CDON: variants seen among roughly 807,000 people sequenced by gnomAD.
The protein encoded by CDON is cell adhesion associated, oncogene regulated, also known as cell adhesion molecule-related/down-regulated by oncogenes.
CDON carries 73 observed loss-of-function variants against 120.9 expected under a neutral mutation model. The ratio of observed to expected loss-of-function variants is 0.60; its 90% CI spans 0.50 to 0.73. CDON has a LOEUF of 0.73. CDON is among the 30% of genes least tolerant of loss of function. The pLI, the probability that CDON is intolerant of heterozygous loss-of-function variation, is 0.00. For missense variants in CDON, 1,470 were observed against 1,587.3 expected (o/e 0.93, Z 1.26); for synonymous variants, 566 against 573.5 (o/e 0.99, Z 0.19).
At position 125,959,049 on chromosome 11, in the gene CDON, G is replaced by A. The variant is rs1016560752; in HGVS notation, c.*1893C>T. ...AATAAATCCAGTATACTATAGGCAC[G>A]GACATCTGGAATGTAGAACTTGGGT... On this transcript the variant is annotated 3_prime_UTR_variant, in exon 20 of 20. Transcript: ENST00000531738. 1.7e-4 allele frequency: 26 copies of A among 152,242 alleles called. No homozygotes were observed. Among genetic ancestry groups the A allele is most frequent in the African/African-American group, 5.8e-4 (24 of 41,544 alleles). 9.4% of individuals were successfully genotyped at this position (152,242 alleles called of 1,614,324 possible).
intron 9 of CDON, among the ~76,000 whole-genome samples, chr11:126,004,780 A>T (rs1947064123): frequency 6.6e-6 from 1 of 152,218 alleles, no homozygotes; most frequent in South Asian, 2.1e-4. Context: ...AAACATTACC[A>T]TTCAACAATG....
chr11:126,029,555 CATATAT>C (rs10588981), intron 1 of CDON, among the ~76,000 whole-genome samples: 1 of 150,634 alleles, frequency 6.6e-6, no homozygotes, highest in Non-Finnish European at 1.5e-5. Context: ...GTCCATGTAA[CATATAT>C]ATATATATAT....
rs746082689 is a variant in CDON, at chr11:125,961,110, AAC to A, written c.3632-7_3632-6del. 5.6e-6 allele frequency: 9 copies of A among 1,613,458 alleles called. No individual in the cohort carries two copies. The highest frequency in any genetic ancestry group is 7.6e-6 in the Non-Finnish European group (9 of 1,179,672). On this transcript the variant is annotated splice_polypyrimidine_tract_variant and splice_region_variant and intron_variant, in intron 19 of 19. Transcript: ENST00000531738. ...CTGAATGGGCACAGCTGTCTCCTGAAACACAGCAGGGTTTGGGAGCATTATCA... is the reference window on the plus strand; with the variant it reads ...CTGAATGGGCACAGCTGTCTCCTGAAACAGCAGGGTTTGGGAGCATTATCA...
chr11:126,058,512 T>C (rs1222133341), intron 1 of CDON, among the ~76,000 whole-genome samples: 1 of 152,208 alleles, frequency 6.6e-6, no homozygotes, highest in African/African-American at 2.4e-5. Context: ...CTGAACACAC[T>C]GTATTGTGAG....
intron 1 of CDON, among the ~76,000 whole-genome samples, chr11:126,055,760 T>C (rs1948667076): frequency 6.6e-6 from 1 of 152,198 alleles, no homozygotes; most frequent in Non-Finnish European, 1.5e-5. Context: ...AAAAAGGTAG[T>C]ACATGCTATA....
chr11:126,015,028 T>C lies in CDON; in HGVS notation c.1198+213A>G, dbSNP rs1012743226. The C allele has an allele frequency of 8.6e-6, 5 of 580,760 alleles. No homozygotes were observed. The Admixed American group carries it at 1.5e-4, about 18-fold the overall frequency. 36.0% of individuals were successfully genotyped at this position (580,760 alleles called of 1,614,324 possible). On this transcript the variant is annotated intron_variant, in intron 7 of 19. Coordinates refer to ENST00000531738, the MANE Select transcript of CDON (RefSeq NM_001378964.1). Reference sequence around the variant, plus strand: ...AAAGTAGGCAGAATCTGTTGAAAATTTTTTAAAAACTTTTTTTAATGAGCT... The same window carrying C: ...AAAGTAGGCAGAATCTGTTGAAAATCTTTTAAAAACTTTTTTTAATGAGCT...
chr11:126,020,974 G>T (rs928756345), intron 3 of CDON, among the ~76,000 whole-genome samples: 1 of 141,034 alleles, frequency 7.1e-6, no homozygotes, highest in African/African-American at 2.8e-5. Context: ...CCCTGGCAAA[G>T]CTGCAGAGAT....
At position 126,021,461 on chromosome 11, in the gene CDON, C is replaced by A. The variant is rs2134695051; in HGVS notation, c.136G>T (p.Val46Leu). 1.9e-6 allele frequency: 3 copies of A among 1,614,008 alleles called. No individual in the cohort carries two copies. Among genetic ancestry groups the A allele is most frequent in the Non-Finnish European group, 2.5e-6 (3 of 1,179,914 alleles). ...GGTTGAGCAGAACAATGCAGTACTA[C>A]AGGTCCACCAAGTTTCTGGACAGCA... ...LSAVQKLGGP[V>L]VLHCSAQPVT... Residue 46 changes from valine (V) to leucine (L), a missense_variant, in exon 3 of 20, where the codon GTA becomes TTA. Val to Leu is a conservative substitution (Grantham distance 32). Coordinates refer to ENST00000531738, the MANE Select transcript of CDON (RefSeq NM_001378964.1).
chr11:126,017,791 A>T (rs1001230066), intron 5 of CDON, among the ~76,000 whole-genome samples: 1 of 152,088 alleles, frequency 6.6e-6, no homozygotes, highest in Non-Finnish European at 1.5e-5. Context: ...TCTTGTTTGA[A>T]CAAAGGGCAA....
intron 1 of CDON, among the ~76,000 whole-genome samples, chr11:126,056,785 C>T (rs948636127): frequency 6.6e-6 from 1 of 152,192 alleles, no homozygotes; most frequent in African/African-American, 2.4e-5. Context: ...ACTCTTCTTC[C>T]TGATATAAGT....
chr11:126,055,425 G>A (rs1591438927), intron 1 of CDON, among the ~76,000 whole-genome samples: 1 of 152,124 alleles, frequency 6.6e-6, no homozygotes, highest in African/African-American at 2.4e-5. Flanking sequence ...TATTATTTTG[G>A]TGGTTCAGGA....
intron 1 of CDON, among the ~76,000 whole-genome samples, chr11:126,038,228 T>C (rs1239661764): frequency 2.0e-5 from 3 of 152,244 alleles, no homozygotes; most frequent in African/African-American, 7.2e-5. Flanking sequence ...TAGCCAACTT[T>C]ACTTTGTGAA....
intron 1 of CDON, among the ~76,000 whole-genome samples, chr11:126,046,431 AG>A (rs1948408392): frequency 6.6e-6 from 1 of 152,230 alleles, no homozygotes; most frequent in African/African-American, 2.4e-5. Flanking sequence ...CCTGTAGACC[AG>A]TGACAAAAAT....
In CDON at chr11:126,010,773, G is replaced by A. The variant is rs148923212; in HGVS notation, c.1199-79C>T. The A allele has an allele frequency of 8.9e-4, 1,007 of 1,133,450 alleles. 13 individuals are homozygous for A. Among genetic ancestry groups the A allele is most frequent in the Non-Finnish European group, 1.7e-4 (131 of 760,464 alleles). The allele number at this position is 1,133,450 out of a possible 1,614,324, so 70.2% of individuals were successfully genotyped here. A position where few individuals can be genotyped will look rare whatever the true frequency, so the allele number is the denominator to read the frequency against. On this transcript the variant is annotated intron_variant, in intron 7 of 19. Coordinates refer to ENST00000531738, the MANE Select transcript of CDON (RefSeq NM_001378964.1). ...ATGCAAAACAACTTCATCCTATCAC[G>A]TAAATGTGGGAGTAATGATTAAAAC...
rs759740858 is a variant in CDON, at chr11:126,006,071, G to C, written c.1553-14C>G. On this transcript the variant is annotated splice_polypyrimidine_tract_variant and intron_variant, in intron 8 of 19. Transcript: ENST00000531738. Reference sequence around the variant, plus strand: ...TTTCAAAAGGAACTGCAGGGAGAGAGAGAGGAGACAGCTTGAAGATACTCC... The same window carrying C: ...TTTCAAAAGGAACTGCAGGGAGAGACAGAGGAGACAGCTTGAAGATACTCC... The C allele has an allele frequency of 7.4e-6, 12 of 1,612,678 alleles. No individual in the cohort carries two copies. The highest frequency in any genetic ancestry group is 9.3e-6 in the Non-Finnish European group (11 of 1,179,226).
chr11:125,974,366 T>TAGGAAGGA (rs1185064556), intron 18 of CDON, among the ~76,000 whole-genome samples: 4 of 51,672 alleles, frequency 7.7e-5, no homozygotes, highest in Non-Finnish European at 1.1e-4. Flanking sequence ...GGTAGGTAGG[T>TAGGAAGGA]AGGAAGGAAG....
intron 18 of CDON, 152 bp from the exon 19 acceptor site, chr11:125,962,150 G>A (rs1452806353): frequency 1.4e-6 from 1 of 696,638 alleles, no homozygotes; most frequent in African/African-American, 1.8e-5. Flanking sequence ...ACTATGATTT[G>A]AAATACTGAG....
At chr11:126,006,231 A>G (rs1455347829) in intron 8 of CDON, among the ~76,000 whole-genome samples, 174 bp from the exon 9 acceptor site, 1 of 152,196 alleles carries the variant, frequency 6.6e-6, no homozygotes, top group Non-Finnish European at 1.5e-5. Context: ...TCTAATTGCA[A>G]TCTTTTCTCA....
intron 1 of CDON, among the ~76,000 whole-genome samples, chr11:126,026,195 T>C (rs986305034): frequency 4.6e-5 from 7 of 152,234 alleles, no homozygotes; most frequent in African/African-American, 1.4e-4. Context: ...TTTAGTATAT[T>C]CTAGCTATAT....
Sources: gnomAD v4.1 joint callset for allele counts (sites outside exome capture counted in the v4.1 genomes callset) on GRCh38, gnomAD v4.1.1 for gene constraint, MANE v1.5 for transcripts, NCBI Gene and HGNC (gene_info 2026-07-23, HGNC 2026-07-21) for gene names.